NOL10: variants seen among roughly 807,000 people sequenced by gnomAD.
The protein encoded by NOL10 is nucleolar protein 10.
In NOL10, 58 loss-of-function variants were observed where a neutral mutation model predicts 103.5. The ratio of observed to expected loss-of-function variants is 0.56; its 90% CI spans 0.45 to 0.70. The LOEUF (loss-of-function observed/expected upper bound fraction) is 0.70. NOL10 is among the 30% of genes least tolerant of loss of function. The probability of loss-of-function intolerance (pLI) is 0.00; values close to 1 mark genes in which losing one functional copy is unlikely to be tolerated. For missense variants in NOL10, 763 were observed against 807.3 expected (o/e 0.95, Z 0.67); for synonymous variants, 287 against 282.5 (o/e 1.02, Z -0.16).
intron 13 of NOL10, among the ~76,000 whole-genome samples, chr2:10,640,226 G>T (rs34565728): frequency 6.6e-6 from 1 of 152,034 alleles, no homozygotes; most frequent in African/African-American, 2.4e-5. Flanking sequence ...CCTGCCAAAC[G>T]TCAACTTGGT....
intron 13 of NOL10, among the ~76,000 whole-genome samples, chr2:10,641,503 A>C (rs527834549): frequency 1.3e-5 from 2 of 152,354 alleles, no homozygotes; most frequent in African/African-American, 4.8e-5. Flanking sequence ...ACTTAGAATA[A>C]ATAGGAATAC....
rs533351651 is a variant in NOL10 at position 10,616,217 on chromosome 2, A to ATT, written c.1027-8908_1027-8907dup. Among the ~76,000 whole-genome samples, 70 of 95,604 alleles carry ATT rather than the reference A, an allele frequency of 7.3e-4. 3 individuals are homozygous for ATT. Among genetic ancestry groups the ATT allele is most frequent in the Middle Eastern group, 6.3e-3 (1 of 160 alleles). 62.7% of individuals were successfully genotyped at this position (95,604 alleles called of 152,430 possible). On this transcript the variant is annotated intron_variant, in intron 13 of 20. Transcript: ENST00000381685. ...CTACCAGTGGACAACACCACCCTGCATTTTTTTTTTTTTTTTTTTTTTTTT... is the reference window on the plus strand; with the variant it reads ...CTACCAGTGGACAACACCACCCTGCATTTTTTTTTTTTTTTTTTTTTTTTTTT...
At chr2:10,660,509 G>A (rs1019792689) in intron 9 of NOL10, among the ~76,000 whole-genome samples, 5 of 151,958 alleles carry the variant, frequency 3.3e-5, no homozygotes, top group Admixed American at 2.6e-4. Flanking sequence ...GTAGAGATGG[G>A]TTTTCACCAT....
chr2:10,621,988 A>C (rs1388500865), intron 13 of NOL10: 2 of 433,670 alleles, frequency 4.6e-6, no homozygotes, highest in East Asian at 7.1e-5. Context: ...TGAAATTAAA[A>C]ATTCAGTCCC....
Position 10,675,846 on chromosome 2 carries a change from A to G in NOL10, c.237T>C (p.Cys79=). The G allele has an allele frequency of 6.3e-7, 1 of 1,580,962 alleles. No individual in the cohort carries two copies. The change falls in exon 4 of 21, where the codon TGT becomes TGC. Residue 79 remains cysteine, a synonymous_variant. Coordinates refer to ENST00000381685, the MANE Select transcript of NOL10 (RefSeq NM_024894.4). ...ATGTYKPRVR[C]YDTYQLSLKF... The stretch of plus-strand genomic sequence containing the variant: ...TCAAGGATAATTGATAGGTGTCATA[A>G]CATCGAACCCGAGGTTTATATGTTC...
chr2:10,672,714 CG>C (rs1681028453), intron 5 of NOL10, among the ~76,000 whole-genome samples: 1 of 152,084 alleles, frequency 6.6e-6, no homozygotes, highest in South Asian at 2.1e-4. Context: ...AAAGATGGGT[CG>C]GGGGCAGTTG....
chr2:10,635,250 G>A (rs1678123433), intron 13 of NOL10, among the ~76,000 whole-genome samples: 1 of 152,164 alleles, frequency 6.6e-6, no homozygotes, highest in Non-Finnish European at 1.5e-5. Flanking sequence ...GAGTCATGTT[G>A]GCACTCAAAA....
rs569849617 is a variant in NOL10, at chr2:10,689,837, C to T, written c.25G>A (p.Val9Met). 230 of 1,607,952 alleles carry T rather than the reference C, an allele frequency of 1.4e-4. 5 individuals carry two copies. In the South Asian group the frequency reaches 2.3e-3, roughly 16 times the overall value. Residue 9 changes from valine to methionine, a missense_variant, in exon 1 of 21, where the codon GTG becomes ATG. By Grantham distance (21) the Val-to-Met change is conservative. Coordinates refer to ENST00000381685, the MANE Select transcript of NOL10 (RefSeq NM_024894.4). MQVSSLNE[V>M]KIYSLSCGKS... ...CCGCAGCTGAGGCTGTAAATCTTCA[C>T]CTCATTGAGGCTGGAGACCTGCATG...
chr2:10,598,905 A>G (rs950666105), intron 17 of NOL10, among the ~76,000 whole-genome samples: 46 of 152,232 alleles, frequency 3.0e-4, no homozygotes, highest in African/African-American at 1.1e-3. Context: ...ACAGTAAGAG[A>G]GTTTTTAATG....
At chr2:10,641,010 C>T (rs548724925) in intron 13 of NOL10, among the ~76,000 whole-genome samples, 110 of 151,054 alleles carry the variant, frequency 7.3e-4, no homozygotes, top group African/African-American at 2.5e-3. Flanking sequence ...ATGGTGAAAC[C>T]CCATCTCTAC....
At chr2:10,621,905 T>C (rs1677168943) in intron 13 of NOL10, 3 of 345,964 alleles carry the variant, frequency 8.7e-6, no homozygotes, top group South Asian at 2.4e-5. Flanking sequence ...GACTCTGGAA[T>C]AGTTTAGAGC....
chr2:10,641,347 A>C (rs955617715), intron 13 of NOL10, among the ~76,000 whole-genome samples: 2 of 122,266 alleles, frequency 1.6e-5, no homozygotes, highest in African/African-American at 6.2e-5. Flanking sequence ...TCAAAAAAAA[A>C]CATTAAAGCT....
At chr2:10,608,286 G>A (rs989397855) in intron 13 of NOL10, among the ~76,000 whole-genome samples, 21 of 152,076 alleles carry the variant, frequency 1.4e-4, no homozygotes, top group African/African-American at 4.8e-4. Context: ...ACAAAAGGCT[G>A]AACAGAATTA....
At chr2:10,670,182 A>C (rs182265410) in intron 6 of NOL10, among the ~76,000 whole-genome samples, 11 of 152,310 alleles carry the variant, frequency 7.2e-5, no homozygotes, top group Admixed American at 7.2e-4. Context: ...ATACTAACAG[A>C]AGCCAAAGAT....
Position 10,654,447 on chromosome 2 carries a change from TTGTCTCACTGAACGTTCACTACAGAA to T in NOL10, c.973+8_973+33del. The T allele has an allele frequency of 7.1e-7, 1 of 1,417,978 alleles. No homozygotes were observed. Among genetic ancestry groups the T allele is most frequent in the Non-Finnish European group, 9.7e-7 (1 of 1,026,216 alleles). 87.8% of individuals were successfully genotyped at this position (1,417,978 alleles called of 1,614,324 possible). On this transcript the variant is annotated splice_region_variant and intron_variant, in intron 12 of 20. Coordinates refer to ENST00000381685, the MANE Select transcript of NOL10 (RefSeq NM_024894.4). ...TTCACTACAGAATGCATCTTTTTAT[TTGTCTCACTGAACGTTCACTACAGAA>T]TGCATACCTGAGTTGGGGTAGAGAC...
intron 3 of NOL10, among the ~76,000 whole-genome samples, chr2:10,679,630 T>C (rs977400897): frequency 1.0e-4 from 10 of 97,936 alleles, no homozygotes; most frequent in South Asian, 2.7e-4. Flanking sequence ...TTCTCTCTCT[T>C]TCTTTCTTTC....
chr2:10,574,937 T>C (rs1674377395), intron 20 of NOL10, among the ~76,000 whole-genome samples: 1 of 152,178 alleles, frequency 6.6e-6, no homozygotes, highest in African/African-American at 2.4e-5. Context: ...GCAGACAAAT[T>C]TCCATGCAGA....
chr2:10,587,078 CATATATAT>C (rs1191944998), intron 19 of NOL10, among the ~76,000 whole-genome samples: 2 of 27,894 alleles, frequency 7.2e-5, no homozygotes, highest in African/African-American at 2.5e-4. Context: ...CATATATATA[CATATATAT>C]ACATATATAT....
intron 12 of NOL10, among the ~76,000 whole-genome samples, chr2:10,648,084 C>G (rs542278674): frequency 3.7e-4 from 57 of 152,322 alleles, no homozygotes; most frequent in African/African-American, 1.3e-3. Flanking sequence ...AGTGCCCTGA[C>G]CGGCATGGAG....
Sources: gnomAD v4.1 joint callset for allele counts (sites outside exome capture counted in the v4.1 genomes callset) on GRCh38, gnomAD v4.1.1 for gene constraint, MANE v1.5 for transcripts, NCBI Gene and HGNC (gene_info 2026-07-23, HGNC 2026-07-21) for gene names.